Variants in NDUFA10 observed in about 807,000 individuals in gnomAD.
NDUFA10 encodes the protein NADH:ubiquinone oxidoreductase subunit A10.
In NDUFA10, 40 loss-of-function variants were observed where a neutral mutation model predicts 47.8. That is an observed-to-expected ratio of 0.84 (90% CI 0.65 to 1.09). NDUFA10 has a LOEUF of 1.09. NDUFA10 is among the 50% of genes least tolerant of loss of function. NDUFA10 has a pLI of 0.00. For missense variants in NDUFA10, 413 were observed against 451.1 expected (o/e 0.92, Z 0.76); for synonymous variants, 183 against 172.2 (o/e 1.06, Z -0.49).
chr2:239,982,088 A>C (rs780166063), intron 9 of NDUFA10: 1 of 1,612,036 alleles, frequency 6.2e-7, no homozygotes, highest in Non-Finnish European at 8.5e-7. Context: ...GCTCCCCTGC[A>C]GCAAACCAGT....
At chr2:239,990,763 G>T (rs530170440) in intron 8 of NDUFA10, among the ~76,000 whole-genome samples, 1 of 152,118 alleles carries the variant, frequency 6.6e-6, no homozygotes, top group South Asian at 2.1e-4. Context: ...CAAATCATAG[G>T]ATAGTCTCTT....
intron 4 of NDUFA10, among the ~76,000 whole-genome samples, chr2:239,905,692 G>C (rs1336749269): frequency 1.6e-4 from 24 of 152,166 alleles, no homozygotes; most frequent in Admixed American, 1.6e-3. Context: ...AGCCCCATCA[G>C]AGGGAGAGCT....
chr2:239,902,822 G>A (rs994005371), intron 4 of NDUFA10, among the ~76,000 whole-genome samples: 7 of 152,188 alleles, frequency 4.6e-5, no homozygotes, highest in African/African-American at 7.2e-5. Flanking sequence ...GACCCAAAGC[G>A]GCCCTGAGAG....
At position 239,960,649 on chromosome 2, in the gene NDUFA10, C is replaced by T; in HGVS notation, c.*469G>A. On this transcript the variant is annotated 3_prime_UTR_variant, in exon 10 of 10. Coordinates refer to ENST00000252711, the MANE Select transcript of NDUFA10 (RefSeq NM_004544.4). ...CAGCATAATGTAAGCCTCAATTAAA[C>T]CACACCACACCAAACAGGGCCCAGA... 1 of 1,062,718 alleles carries T rather than the reference C, an allele frequency of 9.4e-7. No homozygotes were observed. 65.8% of individuals were successfully genotyped at this position (1,062,718 alleles called of 1,614,324 possible).
chr2:240,024,991 G>A (rs1342659659), intron 1 of NDUFA10, among the ~76,000 whole-genome samples: 1 of 152,136 alleles, frequency 6.6e-6, no homozygotes, highest in African/African-American at 2.4e-5. Context: ...TCACCTCCGC[G>A]CTCCAGCGTT....
At chr2:239,931,811 G>A (rs962137828) in intron 4 of NDUFA10, among the ~76,000 whole-genome samples, 7 of 144,402 alleles carry the variant, frequency 4.8e-5, no homozygotes, top group Admixed American at 2.1e-4. Flanking sequence ...CTGAAGAGCC[G>A]CCCTTCATCT....
intron 4 of NDUFA10, among the ~76,000 whole-genome samples, chr2:239,939,077 C>T (rs1198639916): frequency 6.6e-6 from 1 of 152,222 alleles, no homozygotes; most frequent in Non-Finnish European, 1.5e-5. Context: ...AGGGCTTAGG[C>T]AGACGTAAGC....
chr2:239,916,647 A>C (rs1693884293), intron 4 of NDUFA10, among the ~76,000 whole-genome samples: 1 of 152,270 alleles, frequency 6.6e-6, no homozygotes, highest in Non-Finnish European at 1.5e-5. Flanking sequence ...GAGGCTGAGA[A>C]GTCCAGGGTC....
At chr2:239,951,610 C>T (rs1694553112) in intron 4 of NDUFA10, among the ~76,000 whole-genome samples, 1 of 152,106 alleles carries the variant, frequency 6.6e-6, no homozygotes, top group Admixed American at 6.5e-5. Context: ...GATGGAGGGG[C>T]GGCAGGCTTG....
At chr2:239,937,689 G>A (rs1384201868) in intron 4 of NDUFA10, among the ~76,000 whole-genome samples, 2 of 152,200 alleles carry the variant, frequency 1.3e-5, no homozygotes, top group African/African-American at 4.8e-5. Context: ...TGCGTTCAGT[G>A]CTCTTGAGCT....
chr2:239,900,315 CATATATATATATATATATATATATAT>C lies in NDUFA10; in HGVS notation c.295-5027_295-5002del, dbSNP rs142452963. Among the ~76,000 whole-genome samples the C allele has an allele frequency of 3.5e-3, 495 of 142,730 alleles. 8 individuals are homozygous for C. Among genetic ancestry groups the C allele is most frequent in the African/African-American group, 0.012 (458 of 37,960 alleles). 93.6% of individuals were successfully genotyped at this position (142,730 alleles called of 152,430 possible). A position where few individuals can be genotyped will look rare whatever the true frequency, so the allele number is the denominator to read the frequency against. On this transcript the variant is annotated intron_variant, in intron 4 of 5. Coordinates refer to the NDUFA10 transcript ENST00000419408. ...CAATACTCCTTAATGAACTCCCCTTCATATATATATATATATATATATATATATATATATATATATATATTTATCCT... is the reference window on the plus strand; with the variant it reads ...CAATACTCCTTAATGAACTCCCCTTCATATATATATATATATATTTATCCT...
In NDUFA10 at chr2:239,915,323, CACACAGAGAACGAAG is replaced by C. The variant is rs1209885234; in HGVS notation, c.295-20024_295-20010del. 6.3e-3 allele frequency among the ~76,000 whole-genome samples: 656 copies of C among 103,694 alleles called. 1 individual carries two copies. Among genetic ancestry groups the C allele is most frequent in the African/African-American group, 0.013 (290 of 21,526 alleles). 68.0% of individuals were successfully genotyped at this position (103,694 alleles called of 152,430 possible). Reference sequence around the variant, plus strand: ...AGAGACAGAGATAAACATACACACACACACAGAGAACGAAGACATACTCAGACACACACAAATATA... The same window carrying C: ...AGAGACAGAGATAAACATACACACACACATACTCAGACACACACAAATATA... On this transcript the variant is annotated intron_variant, in intron 4 of 5. Transcript: ENST00000419408.
intron 8 of NDUFA10, among the ~76,000 whole-genome samples, chr2:239,994,822 AAC>A (rs1696400980): frequency 6.6e-6 from 1 of 152,192 alleles, no homozygotes; most frequent in Admixed American, 6.5e-5. Flanking sequence ...CCAAAATGTT[AAC>A]AGAGTTTTAA....
In NDUFA10 at chr2:239,923,517, T is replaced by G. The variant is rs576364336; in HGVS notation, c.295-28203A>C. Among the ~76,000 whole-genome samples, 16 of 152,216 alleles carry G rather than the reference T, an allele frequency of 1.1e-4. No individual in the cohort carries two copies. In the South Asian group the frequency reaches 3.3e-3, roughly 32 times the overall value. ...ACTTGAAAATTAAACAACAGATTTA[T>G]AAATAATACATGGGTTCAAGAAATA... is the stretch of plus-strand genomic sequence containing the variant. On this transcript the variant is annotated intron_variant, in intron 4 of 5. Coordinates refer to the NDUFA10 transcript ENST00000419408.
At chr2:239,990,231 C>T (rs1696188330) in intron 8 of NDUFA10, 49 bp from the exon 9 acceptor site, 23 of 1,454,340 alleles carry the variant, frequency 1.6e-5, no homozygotes, top group Non-Finnish European at 2.1e-5. Flanking sequence ...AAAATAAATA[C>T]AATAAAAGAA....
At chr2:240,007,560 A>T (rs1696992560) in intron 6 of NDUFA10, among the ~76,000 whole-genome samples, 190 bp from the exon 7 acceptor site, 1 of 152,176 alleles carries the variant, frequency 6.6e-6, no homozygotes, top group African/African-American at 2.4e-5. Flanking sequence ...TAAAAGCCAG[A>T]ATGTTCTCAT....
At chr2:239,950,305 C>T (rs1188026834) in intron 4 of NDUFA10, among the ~76,000 whole-genome samples, 3 of 152,190 alleles carry the variant, frequency 2.0e-5, no homozygotes, top group African/African-American at 4.8e-5. Context: ...CCTCAGGCCC[C>T]CGAGTCCTTG....
intron 4 of NDUFA10, among the ~76,000 whole-genome samples, chr2:239,905,093 T>C (rs1189748989): frequency 6.6e-6 from 1 of 152,206 alleles, no homozygotes; most frequent in East Asian, 1.9e-4. Flanking sequence ...GGTTAGGGTA[T>C]CTTTGGAAAC....
At chr2:239,895,412 G>T in intron 4 of NDUFA10, 1 of 241,006 alleles carries the variant, frequency 4.1e-6, no homozygotes, top group Non-Finnish European at 9.3e-6. Flanking sequence ...ACACTCATAG[G>T]TTCTGAAGCC....
Sources: allele counts gnomAD v4.1 joint callset (sites outside exome capture counted in the v4.1 genomes callset), GRCh38; gene constraint gnomAD v4.1.1; transcripts MANE v1.5; gene names NCBI Gene and HGNC (gene_info 2026-07-23, HGNC 2026-07-21).